Variants in ELP4 observed in about 807,000 individuals in gnomAD.
ELP4 encodes elongator complex protein 4.
A neutral mutation model predicts 48.9 loss-of-function variants in ELP4; 51 were observed. That is an observed-to-expected ratio of 1.04 (90% CI 0.83 to 1.32). ELP4 has a LOEUF of 1.32. Among genes scored for constraint, ELP4 ranks in the 40% most tolerant of loss-of-function variants. The pLI is 0.00. For synonymous variants in ELP4, 210 were observed against 189.2 expected, an observed-to-expected ratio of 1.11 and a Z score of -0.90; for missense variants, 519 against 514.6, an observed-to-expected ratio of 1.01 and a Z score of -0.08.
chr11:31,752,117 T>C (rs1486983561), intron 9 of ELP4, among the ~76,000 whole-genome samples: 3 of 152,116 alleles, frequency 2.0e-5, no homozygotes, highest in Non-Finnish European at 4.4e-5. Flanking sequence ...AAATTCTAAA[T>C]AGAACAGTGT....
chr11:31,543,042 A>T (rs1034958616), intron 3 of ELP4, among the ~76,000 whole-genome samples: 2 of 152,180 alleles, frequency 1.3e-5, no homozygotes, highest in African/African-American at 4.8e-5. Flanking sequence ...TTAGACACTG[A>T]AAAAGAAAAG....
In ELP4 at chr11:31,790,119, A is replaced by AAAAAC. The variant is rs1554982404; in HGVS notation, c.*6596_*6597insAAACA. On this transcript the variant is annotated 3_prime_UTR_variant, in exon 10 of 10. Coordinates refer to ENST00000640961, the MANE Select transcript of ELP4 (RefSeq NM_019040.5). ...TTACAAAAAAAAAAAAAAAAAAAAA[A>AAAAAC]ACTAATACTTTCTAACATTTTTTAC... 2.8e-5 allele frequency: 22 copies of AAAAAC among 771,972 alleles called. No homozygotes were observed. In the African/African-American group the frequency reaches 3.7e-4, roughly 13 times the overall value. 47.8% of individuals were successfully genotyped at this position (771,972 alleles called of 1,614,324 possible). A position where few individuals can be genotyped will look rare whatever the true frequency, so the allele number is the denominator to read the frequency against.
intron 2 of ELP4, among the ~76,000 whole-genome samples, chr11:31,520,741 C>T (rs1956199463): frequency 2.0e-5 from 3 of 152,068 alleles, no homozygotes; most frequent in Non-Finnish European, 2.9e-5. Context: ...TAGTTTTTCA[C>T]GTGACACCCT....
intron 9 of ELP4, among the ~76,000 whole-genome samples, chr11:31,676,828 A>G (rs1198877931): frequency 2.6e-5 from 4 of 152,210 alleles, no homozygotes; most frequent in African/African-American, 9.6e-5. Context: ...AAGAGACTCC[A>G]AAGGCCAAGC....
intron 9 of ELP4, among the ~76,000 whole-genome samples, chr11:31,670,159 A>C (rs1945779052): frequency 6.6e-6 from 1 of 152,080 alleles, no homozygotes; most frequent in African/African-American, 2.4e-5. Flanking sequence ...TTTTTAGCTA[A>C]TCTATATTAT....
chr11:31,523,503 A>G (rs959240328), intron 2 of ELP4, among the ~76,000 whole-genome samples: 12 of 152,206 alleles, frequency 7.9e-5, no homozygotes, highest in African/African-American at 2.4e-4. Flanking sequence ...CTTTCAGAGT[A>G]CTGTATTTAC....
chr11:31,706,322 CAGTGGTA>C (rs1946630549), intron 9 of ELP4, among the ~76,000 whole-genome samples: 1 of 151,364 alleles, frequency 6.6e-6, no homozygotes, highest in Non-Finnish European at 1.5e-5. Flanking sequence ...AGTCATCCTA[CAGTGGTA>C]TAGAGTACTA....
chr11:31,778,203 T>C (rs1948289670), intron 9 of ELP4, among the ~76,000 whole-genome samples: 2 of 152,230 alleles, frequency 1.3e-5, no homozygotes, highest in Non-Finnish European at 2.9e-5. Context: ...CAGCCATGCA[T>C]GTATACACTG....
At chr11:31,622,719 T>G (rs760292021) in intron 5 of ELP4, among the ~76,000 whole-genome samples, 9 of 151,680 alleles carry the variant, frequency 5.9e-5, no homozygotes, top group Non-Finnish European at 1.0e-4. Flanking sequence ...AGCATGAGTT[T>G]AATTTTTTTC....
intron 3 of ELP4, among the ~76,000 whole-genome samples, chr11:31,570,188 A>T (rs909278634): frequency 6.6e-6 from 1 of 152,172 alleles, no homozygotes; most frequent in Non-Finnish European, 1.5e-5. Flanking sequence ...CCATAAAGAA[A>T]TCATGTCCTT....
chr11:31,709,137 G>A (rs1324270517), intron 9 of ELP4, among the ~76,000 whole-genome samples: 1 of 152,086 alleles, frequency 6.6e-6, no homozygotes, highest in Non-Finnish European at 1.5e-5. Flanking sequence ...AATCATTTGA[G>A]TGAAAGAATA....
At chr11:31,775,055 G>C (rs991496176) in intron 9 of ELP4, among the ~76,000 whole-genome samples, 1 of 152,214 alleles carries the variant, frequency 6.6e-6, no homozygotes. Flanking sequence ...CAGCAAGTGG[G>C]AAGAGGGAAG....
At chr11:31,707,116 C>T (rs987835073) in intron 9 of ELP4, 30 of 397,058 alleles carry the variant, frequency 7.6e-5, no homozygotes, top group Non-Finnish European at 1.1e-4. Context: ...ATTGCTGGAT[C>T]ATATGGTAGT....
At chr11:31,573,461 A>T (rs1354809226) in intron 3 of ELP4, 1 of 152,176 alleles carries the variant, frequency 6.6e-6, no homozygotes, top group Non-Finnish European at 1.5e-5. Context: ...ACTATCTCAC[A>T]GTTTTGGAGA....
chr11:31,510,039 G>A (rs761853736), intron 1 of ELP4, 32 bp downstream of exon 1: 11 of 1,592,360 alleles, frequency 6.9e-6, no homozygotes. Flanking sequence ...GGGCTCAGCC[G>A]AGGGGAAACT....
intron 9 of ELP4, among the ~76,000 whole-genome samples, chr11:31,713,815 C>T (rs915559839): frequency 6.6e-6 from 1 of 152,106 alleles, no homozygotes; most frequent in Non-Finnish European, 1.5e-5. Context: ...TAATAAACCC[C>T]TGTGGACCTA....
intron 3 of ELP4, among the ~76,000 whole-genome samples, chr11:31,574,966 G>C (rs1957249319): frequency 6.6e-6 from 1 of 152,186 alleles, no homozygotes; most frequent in Non-Finnish European, 1.5e-5. Flanking sequence ...GAAGGCTTCA[G>C]ACAATCGGTA....
intron 9 of ELP4, among the ~76,000 whole-genome samples, chr11:31,728,961 T>C (rs1257308489): frequency 6.6e-6 from 1 of 152,178 alleles, no homozygotes; most frequent in Non-Finnish European, 1.5e-5. Context: ...ATTTGAATTG[T>C]TTCATAATAG....
At chr11:31,742,385 A>C (rs1330516892) in intron 9 of ELP4, among the ~76,000 whole-genome samples, 2 of 152,212 alleles carry the variant, frequency 1.3e-5, no homozygotes, top group Non-Finnish European at 2.9e-5. Context: ...AAATTCAGGA[A>C]ATACAGAGAA....
Sources: gnomAD v4.1 joint callset for allele counts (sites outside exome capture counted in the v4.1 genomes callset) on GRCh38, gnomAD v4.1.1 for gene constraint, MANE v1.5 for transcripts, NCBI Gene and HGNC (gene_info 2026-07-23, HGNC 2026-07-21) for gene names.